Variants in CSNK1G1 observed in about 807,000 individuals in gnomAD.
The protein encoded by CSNK1G1 is casein kinase I isoform gamma-1.
In CSNK1G1, 22 loss-of-function variants were observed where a neutral mutation model predicts 59.6. The ratio of observed to expected loss-of-function variants is 0.37; its 90% confidence interval spans 0.26 to 0.53. The LOEUF is 0.53. Among genes scored for constraint, CSNK1G1 ranks in the 20% least tolerant of loss-of-function variants. The pLI is 0.89. For missense variants in CSNK1G1, 384 were observed against 519.5 expected (o/e 0.74, Z 2.54); for synonymous variants, 179 against 177.1 (o/e 1.01, Z -0.08).
At chr15:64,352,123 A>G (rs1898328165) in intron 1 of CSNK1G1, among the ~76,000 whole-genome samples, 1 of 152,030 alleles carries the variant, frequency 6.6e-6, no homozygotes. Context: ...CCTGGCCAAC[A>G]TGGCCAACAC....
chr15:64,216,465 T>C lies in CSNK1G1; in HGVS notation c.444+97A>G. The C allele has an allele frequency of 5.7e-6, 7 of 1,236,090 alleles. No homozygotes were observed. Among genetic ancestry groups the C allele is most frequent in the Non-Finnish European group, 8.0e-6 (7 of 871,424 alleles). 76.6% of individuals were successfully genotyped at this position (1,236,090 alleles called of 1,614,324 possible). On this transcript the variant is annotated intron_variant, in intron 5 of 11. Transcript: ENST00000303052. The surrounding 1 kb of genome is among the most constrained non-coding windows in gnomAD (Gnocchi z 4.6). ...CCATCAAGCCTGTGAGTACTAATTC[T>C]TGATGTGTTGCTACGGCTAGTAAAT...
intron 2 of CSNK1G1, among the ~76,000 whole-genome samples, chr15:64,262,040 G>A (rs895820383): frequency 8.6e-5 from 13 of 151,908 alleles, no homozygotes; most frequent in Admixed American, 8.5e-4. Context: ...TAAAATGAAA[G>A]GTTTTATGAC....
intron 2 of CSNK1G1, among the ~76,000 whole-genome samples, chr15:64,271,841 T>C (rs964112426): frequency 1.3e-5 from 2 of 152,198 alleles, no homozygotes; most frequent in Admixed American, 1.3e-4. Flanking sequence ...CAATCATCTG[T>C]TTGATACTGT....
At chr15:64,295,269 G>A (rs1224278282) in intron 2 of CSNK1G1, among the ~76,000 whole-genome samples, 4 of 152,056 alleles carry the variant, frequency 2.6e-5, no homozygotes, top group Non-Finnish European at 5.9e-5. Flanking sequence ...TAGGCTGGTG[G>A]GAGTTATTTA....
chr15:64,324,062 G>GT (rs2140444514), intron 1 of CSNK1G1, among the ~76,000 whole-genome samples: 1 of 152,242 alleles, frequency 6.6e-6, no homozygotes, highest in East Asian at 1.9e-4. Flanking sequence ...AGTAAGATGC[G>GT]TAACAAAACT....
intron 2 of CSNK1G1, among the ~76,000 whole-genome samples, chr15:64,287,357 C>G (rs887200916): frequency 7.2e-5 from 11 of 152,212 alleles, no homozygotes; most frequent in Non-Finnish European, 1.6e-4. Flanking sequence ...TTTTGGGAAG[C>G]CTGGGACCAT....
At chr15:64,181,373 G>C in intron 10 of CSNK1G1, 1 of 1,535,894 alleles carries the variant, frequency 6.5e-7, no homozygotes, top group Non-Finnish European at 8.7e-7. Context: ...TGGGTGCTGG[G>C]AAGTGGGAAA....
chr15:64,308,934 C>T (rs1373985596), intron 1 of CSNK1G1, among the ~76,000 whole-genome samples: 2 of 151,920 alleles, frequency 1.3e-5, no homozygotes, highest in Non-Finnish European at 2.9e-5. Flanking sequence ...TGAGGTCATT[C>T]CAGATCTGGC....
chr15:64,303,598 A>G (rs1338750763), intron 1 of CSNK1G1, among the ~76,000 whole-genome samples: 1 of 151,958 alleles, frequency 6.6e-6, no homozygotes, highest in African/African-American at 2.4e-5. Flanking sequence ...CTAAAAACAA[A>G]AAAATTAGCC....
chr15:64,279,367 G>C lies in CSNK1G1; in HGVS notation c.182-20126C>G, dbSNP rs545571189. 5.3e-5 allele frequency among the ~76,000 whole-genome samples: 8 copies of C among 152,220 alleles called. 1 individual carries two copies. Among genetic ancestry groups the C allele is most frequent in the African/African-American group, 1.7e-4 (7 of 41,532 alleles). Reference sequence around the variant, plus strand: ...ATTTGCTTATTTTTGACATCATATGGATGGAATTATCTAATAAGCATTCTC... The same window carrying C: ...ATTTGCTTATTTTTGACATCATATGCATGGAATTATCTAATAAGCATTCTC... On this transcript the variant is annotated intron_variant, in intron 2 of 11. Transcript: ENST00000303052.
At chr15:64,257,280 G>A (rs774977007) in intron 3 of CSNK1G1, among the ~76,000 whole-genome samples, 40 of 152,002 alleles carry the variant, frequency 2.6e-4, no homozygotes, top group Admixed American at 1.5e-3. Flanking sequence ...CAGGTTGATT[G>A]GTATAACCTG....
chr15:64,352,444 C>A (rs1566958690), intron 1 of CSNK1G1, among the ~76,000 whole-genome samples: 1 of 79,922 alleles, frequency 1.3e-5, no homozygotes, highest in African/African-American at 4.2e-5. Flanking sequence ...AATTTGAATT[C>A]TTCTTTTTTT....
chr15:64,326,805 C>A (rs1896864089), intron 1 of CSNK1G1, among the ~76,000 whole-genome samples: 1 of 151,076 alleles, frequency 6.6e-6, no homozygotes, highest in South Asian at 2.1e-4. Context: ...GGGCGCAGGC[C>A]AGTGGGTGCG....
intron 6 of CSNK1G1, among the ~76,000 whole-genome samples, chr15:64,212,601 A>T (rs1313418867): frequency 6.6e-6 from 1 of 152,202 alleles, no homozygotes; most frequent in African/African-American, 2.4e-5. Context: ...CTGTAACCCT[A>T]GCTACTGAGG....
rs150393399 is a variant in CSNK1G1 at position 64,231,749 on chromosome 15, T to A, written c.293-15036A>T. 6.7e-4 allele frequency among the ~76,000 whole-genome samples: 102 copies of A among 152,286 alleles called. No homozygotes were observed. The East Asian group carries it at 0.019, about 28-fold the overall frequency. ...TCTCTTTCTCAAAATTAGAAACCATTTTTTCTTTCAGAACTTCCTCATTTT... is the reference window on the plus strand; with the variant it reads ...TCTCTTTCTCAAAATTAGAAACCATATTTTCTTTCAGAACTTCCTCATTTT... On this transcript the variant is annotated intron_variant, in intron 4 of 11. Transcript: ENST00000303052.
At chr15:64,294,107 CTG>C (rs933268580) in intron 2 of CSNK1G1, among the ~76,000 whole-genome samples, 5 of 152,184 alleles carry the variant, frequency 3.3e-5, no homozygotes, top group Non-Finnish European at 5.9e-5. Flanking sequence ...GAGTCTCACT[CTG>C]TCTCCCAGGC....
At chr15:64,182,052 C>CT (rs1567358672) in intron 10 of CSNK1G1, 18 of 118,362 alleles carry the variant, frequency 1.5e-4, no homozygotes, top group African/African-American at 5.4e-4. Context: ...ATTAGTAACC[C>CT]GTTTTTTTTT....
At position 64,188,540 on chromosome 15, in the gene CSNK1G1, C is replaced by T. The variant is rs117474930; in HGVS notation, c.1108-8086G>A. ...AGATATGGAAGGAAAGGTGAAGCAACAGCAAGCAATAACAAAATCAAGTAC... is the reference window on the plus strand; with the variant it reads ...AGATATGGAAGGAAAGGTGAAGCAATAGCAAGCAATAACAAAATCAAGTAC... On this transcript the variant is annotated intron_variant, in intron 10 of 11. Coordinates refer to ENST00000303052, the MANE Select transcript of CSNK1G1 (RefSeq NM_022048.5). This position sits in a 1 kb window ranked among gnomAD's most constrained non-coding sequence, Gnocchi z 4.2. The T allele has an allele frequency of 4.3e-3, 5,678 of 1,311,978 alleles. 13 individuals are homozygous for T. The highest frequency in any genetic ancestry group is 5.3e-3 in the Non-Finnish European group (5,049 of 948,104). 81.3% of individuals were successfully genotyped at this position (1,311,978 alleles called of 1,614,324 possible).
chr15:64,263,430 G>A (rs1052941529), intron 2 of CSNK1G1, among the ~76,000 whole-genome samples: 17 of 151,924 alleles, frequency 1.1e-4, no homozygotes, highest in African/African-American at 2.9e-4. Flanking sequence ...TTCATGATCC[G>A]CCTGCCTTGG....
Sources: allele counts gnomAD v4.1 joint callset (sites outside exome capture counted in the v4.1 genomes callset), GRCh38; gene constraint gnomAD v4.1.1; non-coding constraint Gnocchi (gnomAD v3.1); transcripts MANE v1.5; gene names NCBI Gene and HGNC (gene_info 2026-07-23, HGNC 2026-07-21).